Variants in SH3TC2 observed in about 807,000 individuals in gnomAD.
SH3TC2 encodes the protein SH3 domain and tetratricopeptide repeat-containing protein 2.
In SH3TC2, 87 loss-of-function variants were observed where a neutral mutation model predicts 124.5. The observed-to-expected ratio is 0.70, with a 90% CI of 0.59 to 0.84. SH3TC2 has a LOEUF of 0.84. SH3TC2 is among the 40% of genes least tolerant of loss of function. The probability of loss-of-function intolerance (pLI) is 0.00; values close to 1 mark genes in which losing one functional copy is unlikely to be tolerated. For synonymous variants in SH3TC2, 634 were observed against 628.5 expected (o/e 1.01, Z -0.13); for missense variants, 1,536 against 1,566.4 (o/e 0.98, Z 0.33).
chr5:149,048,223 A>G (rs988956143), intron 2 of SH3TC2, among the ~76,000 whole-genome samples: 3 of 152,118 alleles, frequency 2.0e-5, no homozygotes, highest in African/African-American at 7.2e-5. Flanking sequence ...GAGTTGATGC[A>G]CTCACGTTGT....
In SH3TC2 at chr5:149,028,160, G is replaced by A. The variant is rs1403921033; in HGVS notation, c.1572C>T (p.Thr524=). 14 of 1,613,992 alleles carry A rather than the reference G, an allele frequency of 8.7e-6. No individual in the cohort carries two copies. The highest frequency in any genetic ancestry group is 1.2e-5 in the Non-Finnish European group (14 of 1,180,030). ...GGAAGCAGAGACGGGCATGGGCCCAGGTCATGTGGCTCTTCTTGGCCCACT... is the reference window on the plus strand; with the variant it reads ...GGAAGCAGAGACGGGCATGGGCCCAAGTCATGTGGCTCTTCTTGGCCCACT... ...SRKWAKKSHM[T]WAHARLCFLL... Residue 524 remains threonine, a synonymous_variant, in exon 11 of 17, where the codon ACC becomes ACT. Transcript: ENST00000515425.
chr5:149,031,369 T>A (rs1754189168), intron 9 of SH3TC2, among the ~76,000 whole-genome samples, 185 bp downstream of exon 9: 1 of 152,152 alleles, frequency 6.6e-6, no homozygotes, highest in Admixed American at 6.5e-5. Context: ...ACCCCAGAAT[T>A]ACCTGAAATC....
Position 148,992,601 on chromosome 5 carries a change from T to G in SH3TC2, c.*12110A>C, listed in dbSNP as rs1051244330. On this transcript the variant is annotated 3_prime_UTR_variant, in exon 17 of 17. Coordinates refer to ENST00000515425, the MANE Select transcript of SH3TC2 (RefSeq NM_024577.4). ...TAATTCCAAGAAGAGATTTCATTGG[T>G]TTTTTTTTTTTTTTTTTTTTTCAGA... 7.6e-4 allele frequency among the ~76,000 whole-genome samples: 1 copy of G among 1,318 alleles called. No individual in the cohort carries two copies. Among genetic ancestry groups the G allele is most frequent in the African/African-American group, 2.0e-3 (1 of 494 alleles). 0.9% of individuals were successfully genotyped at this position (1,318 alleles called of 152,430 possible). A position where few individuals can be genotyped will look rare whatever the true frequency, so the allele number is the denominator to read the frequency against.
chr5:149,027,330 C>T lies in SH3TC2; in HGVS notation c.2402G>A (p.Cys801Tyr), dbSNP rs1269266843. 1 of 1,614,016 alleles carries T rather than the reference C, an allele frequency of 6.2e-7. No homozygotes were observed. Among genetic ancestry groups the T allele is most frequent in the South Asian group, 1.1e-5 (1 of 91,090 alleles). The change falls in exon 11 of 17, where the codon TGC (cysteine) becomes TAC (tyrosine). Residue 801 changes from cysteine (C) to tyrosine (Y), a missense_variant. Transcript: ENST00000515425. The stretch of plus-strand genomic sequence containing the variant: ...GGCTAAGAGATAGGCCCATGCCAGG[C>T]AGAGAGAAGACTCAAAGGATTCCTG... ...GEQESFESSL[C>Y]LAWAYLLASQ...
intron 12 of SH3TC2, among the ~76,000 whole-genome samples, chr5:149,024,122 C>A (rs1754024323): frequency 6.6e-6 from 1 of 152,176 alleles, no homozygotes; most frequent in South Asian, 2.1e-4. Flanking sequence ...AGCCTGCCTC[C>A]AAGCTGCAAA....
intron 1 of SH3TC2, among the ~76,000 whole-genome samples, chr5:149,052,613 G>A (rs1462005084): frequency 6.6e-6 from 1 of 152,206 alleles, no homozygotes; most frequent in African/African-American, 2.4e-5. Context: ...TGGAAGGGCT[G>A]GAGTGGAGAC....
Position 148,985,372 on chromosome 5 carries a change from C to T in SH3TC2, c.*19339G>A, listed in dbSNP as rs1396620502. ...ATCACTTCAAACAATTTTCTTGTGT[C>T]TTTTTTCATCAATTCTTCCTCCAAC... On this transcript the variant is annotated 3_prime_UTR_variant, in exon 17 of 17. Transcript: ENST00000515425. Among the ~76,000 whole-genome samples the T allele has an allele frequency of 6.6e-6, 1 of 152,108 alleles. No individual in the cohort carries two copies. The highest frequency in any genetic ancestry group is 2.4e-5 in the African/African-American group (1 of 41,430).
In SH3TC2 at chr5:148,983,239, T is replaced by C. The variant is rs59731646; in HGVS notation, c.*21472A>G. Reference sequence around the variant, plus strand: ...TTTGCTTCATTCGTTTGTTTGTTTTTCAAATTGCCACTTACCATTTTTAGT... The same window carrying C: ...TTTGCTTCATTCGTTTGTTTGTTTTCCAAATTGCCACTTACCATTTTTAGT... On this transcript the variant is annotated 3_prime_UTR_variant, in exon 17 of 17. Coordinates refer to ENST00000515425, the MANE Select transcript of SH3TC2 (RefSeq NM_024577.4). 0.032 allele frequency among the ~76,000 whole-genome samples: 4,817 copies of C among 152,204 alleles called. 253 individuals are homozygous for C. The highest frequency in any genetic ancestry group is 0.11 in the African/African-American group (4,560 of 41,544).
Position 148,996,335 on chromosome 5 carries a change from C to T in SH3TC2, c.*8376G>A. Among the ~76,000 whole-genome samples, 1 of 151,930 alleles carries T rather than the reference C, an allele frequency of 6.6e-6. No individual in the cohort carries two copies. The highest frequency in any genetic ancestry group is 2.1e-4 in the South Asian group (1 of 4,802). ...CAACTTGGAAAGAAAGAAAAGAATG[C>T]CACAGGACTTGGAAGAGGATCAGAA... On this transcript the variant is annotated 3_prime_UTR_variant, in exon 17 of 17. Transcript: ENST00000515425.
rs919214919 is a variant in SH3TC2, at chr5:148,991,327, C to T, written c.*13384G>A. 6.6e-5 allele frequency among the ~76,000 whole-genome samples: 10 copies of T among 152,296 alleles called. No individual in the cohort carries two copies. The highest frequency in any genetic ancestry group is 1.9e-4 in the African/African-American group (8 of 41,558). On this transcript the variant is annotated 3_prime_UTR_variant, in exon 17 of 17. Coordinates refer to ENST00000515425, the MANE Select transcript of SH3TC2 (RefSeq NM_024577.4). Reference sequence around the variant, plus strand: ...TGCTTTCACTAGGGTAATGTGTACCCCTTGCTGTGCTCTGAAGAAGAGGGT... The same window carrying T: ...TGCTTTCACTAGGGTAATGTGTACCTCTTGCTGTGCTCTGAAGAAGAGGGT...
intron 7 of SH3TC2, among the ~76,000 whole-genome samples, chr5:149,040,019 T>C (rs998625830): frequency 1.3e-5 from 2 of 152,162 alleles, no homozygotes; most frequent in Non-Finnish European, 2.9e-5. Flanking sequence ...TAAAAAGTGT[T>C]GGACTTCATT....
At chr5:149,053,329 G>A (rs1398587003) in intron 1 of SH3TC2, among the ~76,000 whole-genome samples, 1 of 152,216 alleles carries the variant, frequency 6.6e-6, no homozygotes, top group African/African-American at 2.4e-5. Context: ...CTGTGCCTAT[G>A]GAGGGGGATT....
rs1374234781 is a variant in SH3TC2 at position 148,998,115 on chromosome 5, T to C, written c.*6596A>G. 6.6e-6 allele frequency among the ~76,000 whole-genome samples: 1 copy of C among 152,132 alleles called. No homozygotes were observed. Among genetic ancestry groups the C allele is most frequent in the Non-Finnish European group, 1.5e-5 (1 of 68,020 alleles). On this transcript the variant is annotated 3_prime_UTR_variant, in exon 17 of 17. Transcript: ENST00000515425. The stretch of plus-strand genomic sequence containing the variant: ...TAAATTTGATATTTTTTAACTAGAA[T>C]AGAATGTTTTTAAAAATGAATAGAA...
At chr5:149,023,652 C>T (rs946842164) in intron 12 of SH3TC2, among the ~76,000 whole-genome samples, 5 of 140,828 alleles carry the variant, frequency 3.6e-5, no homozygotes, top group Admixed American at 7.3e-5. Context: ...GGTGTGACCT[C>T]GGCTCACTGC....
chr5:148,984,242 G>A lies in SH3TC2; in HGVS notation c.*20469C>T, dbSNP rs886060097. On this transcript the variant is annotated 3_prime_UTR_variant, in exon 17 of 17. Coordinates refer to ENST00000515425, the MANE Select transcript of SH3TC2 (RefSeq NM_024577.4). ...TATTCTTTTTTCTTTTTGTTCCTTCGACTGGATAATTTCAAGTGTCCTGTC... is the reference window on the plus strand; with the variant it reads ...TATTCTTTTTTCTTTTTGTTCCTTCAACTGGATAATTTCAAGTGTCCTGTC... 2.4e-4 allele frequency among the ~76,000 whole-genome samples: 36 copies of A among 151,362 alleles called. No homozygotes were observed. The highest frequency in any genetic ancestry group is 3.2e-3 in the Middle Eastern group (1 of 316).
chr5:149,042,107 T>C (rs1754380682), intron 5 of SH3TC2, among the ~76,000 whole-genome samples: 1 of 152,182 alleles, frequency 6.6e-6, no homozygotes, highest in South Asian at 2.1e-4. Flanking sequence ...TGCAAAAATA[T>C]CATATGCAAA....
At chr5:149,016,781 C>T (rs974395630) in intron 12 of SH3TC2, among the ~76,000 whole-genome samples, 3 of 151,948 alleles carry the variant, frequency 2.0e-5, no homozygotes, top group Admixed American at 1.3e-4. Flanking sequence ...AAAAATTAGC[C>T]GGGCGTGGTG....
At chr5:149,051,183 G>A (rs1413135067) in intron 2 of SH3TC2, among the ~76,000 whole-genome samples, 2 of 152,104 alleles carry the variant, frequency 1.3e-5, no homozygotes, top group African/African-American at 4.8e-5. Flanking sequence ...TCTCTTTGCG[G>A]GCTTCATCGA....
chr5:149,014,674 G>A (rs1489501725), intron 12 of SH3TC2, among the ~76,000 whole-genome samples: 3 of 152,174 alleles, frequency 2.0e-5, no homozygotes, highest in Non-Finnish European at 4.4e-5. Context: ...TTTAAAATGT[G>A]AAACTTCCTC....
Sources: allele counts gnomAD v4.1 joint callset (sites outside exome capture counted in the v4.1 genomes callset), GRCh38; gene constraint gnomAD v4.1.1; transcripts MANE v1.5; gene names NCBI Gene and HGNC (gene_info 2026-07-23, HGNC 2026-07-21).